Variants in LATS2 observed in about 807,000 individuals in gnomAD.
LATS2 encodes the protein serine/threonine-protein kinase LATS2.
Under a neutral mutation model 76.0 loss-of-function variants are expected in LATS2, and 24 were observed. The ratio of observed to expected loss-of-function variants is 0.32; its 90% CI spans 0.23 to 0.44. LATS2 has a LOEUF of 0.44. Ranked by LOEUF, LATS2 falls within the 20% of genes least tolerant of loss-of-function variation. The pLI is 1.00. For synonymous variants in LATS2, 692 were observed against 635.4 expected (o/e 1.09, Z -1.34); for missense variants, 1,286 against 1,481.2 (o/e 0.87, Z 2.16).
At chr13:21,058,854 T>C (rs894593953) in intron 1 of LATS2, among the ~76,000 whole-genome samples, 1 of 152,148 alleles carries the variant, frequency 6.6e-6, no homozygotes, top group African/African-American at 2.4e-5. Flanking sequence ...ACTTGTTAAT[T>C]ACAGTTAAAT....
At chr13:21,054,284 C>A (rs968662544) in intron 1 of LATS2, among the ~76,000 whole-genome samples, 4 of 152,092 alleles carry the variant, frequency 2.6e-5, no homozygotes, top group African/African-American at 7.2e-5. Flanking sequence ...CATGGCAAAA[C>A]CCTGTCTCTA....
At chr13:21,002,521 C>T (rs1871097429) in intron 2 of LATS2, among the ~76,000 whole-genome samples, 2 of 151,594 alleles carry the variant, frequency 1.3e-5, no homozygotes, top group Admixed American at 6.6e-5. Flanking sequence ...ACTACAGGTG[C>T]GTTACCACCA....
chr13:20,999,916 G>A (rs1387730463), intron 2 of LATS2, among the ~76,000 whole-genome samples: 2 of 148,118 alleles, frequency 1.4e-5, no homozygotes, highest in Non-Finnish European at 1.5e-5. Flanking sequence ...TATAGTCCCA[G>A]CTACTAGGGA....
At chr13:21,022,238 A>G (rs1595240818) in intron 2 of LATS2, among the ~76,000 whole-genome samples, 1 of 140,708 alleles carries the variant, frequency 7.1e-6, no homozygotes, top group Middle Eastern at 3.6e-3. Flanking sequence ...ATGTGTGCCT[A>G]TGTGTGTGGA....
intron 2 of LATS2, among the ~76,000 whole-genome samples, chr13:21,022,274 ATTTGTATGTGCATGTG>A: frequency 6.6e-6 from 1 of 152,194 alleles, no homozygotes; most frequent in South Asian, 2.1e-4. Context: ...GTGTGCATGT[ATTTGTATGTGCATGTG>A]TGTGTGAGTG....
At chr13:20,999,240 C>G (rs1870918709) in intron 2 of LATS2, among the ~76,000 whole-genome samples, 1 of 152,256 alleles carries the variant, frequency 6.6e-6, no homozygotes, top group South Asian at 2.1e-4. Context: ...CAGCCCCAGC[C>G]GTGGCCGCCT....
Position 20,988,902 on chromosome 13 carries a change from C to T in LATS2, c.878G>A (p.Gly293Asp). Residue 293 changes from glycine to aspartate, a missense_variant, in exon 4 of 8, where the codon GGC becomes GAC. This residue lies in a region of LATS2 where 710 missense variants were observed against 660.9 expected (regional missense o/e 1.07). Transcript: ENST00000382592. ...GCCGGCGCCTGGCGGTCCTCCCTGG[C>T]CCTTCGTGGGCAGGCTGGCGTAACC... The part of the protein sequence containing the change: ...TGGYASLPTK[G>D]QGGPPGAGLA... 1 of 1,534,098 alleles carries T rather than the reference C, an allele frequency of 6.5e-7. No individual in the cohort carries two copies.
chr13:21,051,269 C>T (rs539148030), intron 1 of LATS2, among the ~76,000 whole-genome samples: 32 of 152,240 alleles, frequency 2.1e-4, no homozygotes, highest in African/African-American at 7.2e-4. Context: ...GTTACTTGGT[C>T]CTGAGGATGC....
Position 20,991,174 on chromosome 13 carries a change from C to T in LATS2, c.475+98G>A, listed in dbSNP as rs1001073927. On this transcript the variant is annotated intron_variant, in intron 3 of 7. Coordinates refer to ENST00000382592, the MANE Select transcript of LATS2 (RefSeq NM_014572.3). This position sits in a 1 kb window ranked among gnomAD's most constrained non-coding sequence, Gnocchi z 4.9. ...GAGGCAATGTGCCAGGAGACTGGCT[C>T]TGGCCAGGCCAGGCCAGGTTGGACC... 4.8e-6 allele frequency: 7 copies of T among 1,451,732 alleles called. No homozygotes were observed. The highest frequency in any genetic ancestry group is 2.8e-5 in the African/African-American group (2 of 71,560). 89.9% of individuals were successfully genotyped at this position (1,451,732 alleles called of 1,614,324 possible). A position where few individuals can be genotyped will look rare whatever the true frequency, so the allele number is the denominator to read the frequency against.
At chr13:21,051,516 T>C (rs1484384549) in intron 1 of LATS2, among the ~76,000 whole-genome samples, 2 of 152,114 alleles carry the variant, frequency 1.3e-5, no homozygotes, top group Non-Finnish European at 2.9e-5. Flanking sequence ...AGGACTGATA[T>C]GAAAGATGAG....
At chr13:21,009,616 A>C (rs1248538216) in intron 2 of LATS2, among the ~76,000 whole-genome samples, 1 of 152,250 alleles carries the variant, frequency 6.6e-6, no homozygotes, top group Non-Finnish European at 1.5e-5. Context: ...CACTCTTACT[A>C]TTCTTAATTT....
intron 2 of LATS2, among the ~76,000 whole-genome samples, chr13:21,021,558 AC>A (rs1262229670): frequency 2.0e-5 from 3 of 151,840 alleles, no homozygotes; most frequent in African/African-American, 7.3e-5. Flanking sequence ...AGAAAACAAA[AC>A]CCTTTGCCAA....
intron 7 of LATS2, among the ~76,000 whole-genome samples, chr13:20,977,611 A>G (rs1463075434): frequency 6.9e-6 from 1 of 145,148 alleles, no homozygotes; most frequent in Non-Finnish European, 1.5e-5. Context: ...AATAATTAAA[A>G]TAATTATTAA....
intron 6 of LATS2, among the ~76,000 whole-genome samples, chr13:20,980,385 T>A (rs1869818054): frequency 6.6e-6 from 1 of 152,184 alleles, no homozygotes; most frequent in South Asian, 2.1e-4. Context: ...CTCGTTTACC[T>A]CTTATTTTCT....
chr13:21,027,544 G>A lies in LATS2; in HGVS notation c.342+18141C>T, dbSNP rs144361960. Among the ~76,000 whole-genome samples, 318 of 152,286 alleles carry A rather than the reference G, an allele frequency of 2.1e-3. 1 individual carries two copies. The highest frequency in any genetic ancestry group is 4.3e-3 in the Admixed American group (65 of 15,282). ...GAAAATCAATTGTAGTAAGTCCCAT[G>A]TAAGTGTGGGTCTATTTTTGTACTC... On this transcript the variant is annotated intron_variant, in intron 2 of 7. Transcript: ENST00000382592.
At chr13:21,001,667 C>T (rs1871044363) in intron 2 of LATS2, among the ~76,000 whole-genome samples, 1 of 152,208 alleles carries the variant, frequency 6.6e-6, no homozygotes, top group South Asian at 2.1e-4. Context: ...CCAGCAGATA[C>T]CACTGGAGCA....
rs534087578 is a variant in LATS2 at position 21,013,941 on chromosome 13, A to G, written c.343-22537T>C. Among the ~76,000 whole-genome samples, 178 of 152,194 alleles carry G rather than the reference A, an allele frequency of 1.2e-3. 1 individual carries two copies. Among genetic ancestry groups the G allele is most frequent in the Middle Eastern group, 0.01 (3 of 294 alleles). On this transcript the variant is annotated intron_variant, in intron 2 of 7. Coordinates refer to ENST00000382592, the MANE Select transcript of LATS2 (RefSeq NM_014572.3). ...AGCTATGATTGCACCACTGTACTCCAGCCTGGGCAACAGAGCAAGACCCCC... is the reference window on the plus strand; with the variant it reads ...AGCTATGATTGCACCACTGTACTCCGGCCTGGGCAACAGAGCAAGACCCCC...
At chr13:20,984,740 A>G (rs935034157) in intron 4 of LATS2, among the ~76,000 whole-genome samples, 1 of 152,224 alleles carries the variant, frequency 6.6e-6, no homozygotes, top group African/African-American at 2.4e-5. Flanking sequence ...TGTTAAAATG[A>G]CCATACTACC....
intron 2 of LATS2, among the ~76,000 whole-genome samples, chr13:21,013,182 T>C (rs1871666536): frequency 6.6e-6 from 1 of 152,190 alleles, no homozygotes; most frequent in Non-Finnish European, 1.5e-5. Context: ...TGTGCTTGCC[T>C]GCTTAGGTGA....
Sources: gnomAD v4.1 joint callset for allele counts (sites outside exome capture counted in the v4.1 genomes callset) on GRCh38, gnomAD v4.1.1 for gene constraint, gnomAD v4.1.1 regional missense constraint, Gnocchi (gnomAD v3.1) non-coding constraint, MANE v1.5 for transcripts, NCBI Gene and HGNC (gene_info 2026-07-23, HGNC 2026-07-21) for gene names.